RAD18: variants seen among roughly 807,000 people sequenced by gnomAD.
RAD18 encodes the protein RAD18 E3 ubiquitin protein ligase, also known as E3 ubiquitin-protein ligase RAD18.
A neutral mutation model predicts 60.4 loss-of-function variants in RAD18; 47 were observed. That is an observed-to-expected ratio of 0.78 (90% CI 0.62 to 0.99). The LOEUF (loss-of-function observed/expected upper bound fraction) is 0.99. Among genes scored for constraint, RAD18 ranks in the 50% least tolerant of loss-of-function variants. The probability of loss-of-function intolerance (pLI) is 0.00; values close to 1 mark genes in which losing one functional copy is unlikely to be tolerated. For missense variants in RAD18, 640 were observed against 593.3 expected, an observed-to-expected ratio of 1.08 and a Z score of -0.82; for synonymous variants, 225 against 195.5, an observed-to-expected ratio of 1.15 and a Z score of -1.26.
intron 1 of RAD18, 126 bp from the exon 2 acceptor site, chr3:8,959,127 C>T: frequency 4.1e-6 from 3 of 737,164 alleles, no homozygotes; most frequent in African/African-American, 1.8e-5. Flanking sequence ...AATTCAAAAG[C>T]TAACTCCAGA....
chr3:8,916,883 AG>A (rs1434693126), intron 7 of RAD18, among the ~76,000 whole-genome samples: 1 of 152,152 alleles, frequency 6.6e-6, no homozygotes, highest in African/African-American at 2.4e-5. Context: ...TACACATAAT[AG>A]AAATCACAGA....
intron 2 of RAD18, among the ~76,000 whole-genome samples, chr3:8,955,615 T>A (rs1940995957): frequency 1.3e-5 from 2 of 152,304 alleles, no homozygotes; most frequent in South Asian, 4.1e-4. Flanking sequence ...ATACTTTAGA[T>A]GCTTGAGGGC....
chr3:8,883,697 C>T (rs886402517), intron 12 of RAD18, among the ~76,000 whole-genome samples: 13 of 152,042 alleles, frequency 8.6e-5, no homozygotes, highest in African/African-American at 1.2e-4. Flanking sequence ...TAAGCATGCA[C>T]GGAAGCTCTA....
At chr3:8,939,359 A>G (rs1940704628) in intron 6 of RAD18, among the ~76,000 whole-genome samples, 195 bp downstream of exon 6, 1 of 152,224 alleles carries the variant, frequency 6.6e-6, no homozygotes. Flanking sequence ...ATAGCTAATC[A>G]TATTTGGCAA....
rs1294842891 is a variant in RAD18, at chr3:8,929,604, C to CTT, written c.889+6266_889+6267insAA. Reference sequence around the variant, plus strand: ...CCACACCCACTAGGAAAAAGACAGACTAACAGGTGTTGGCAAGGACATGGA... The same window carrying CTT: ...CCACACCCACTAGGAAAAAGACAGACTTTAACAGGTGTTGGCAAGGACATGGA... On this transcript the variant is annotated intron_variant, in intron 7 of 12. Transcript: ENST00000264926. Among the ~76,000 whole-genome samples, 5 of 151,684 alleles carry CTT rather than the reference C, an allele frequency of 3.3e-5. No homozygotes were observed. The East Asian group carries it at 9.7e-4, about 29-fold the overall frequency.
intron 11 of RAD18, among the ~76,000 whole-genome samples, chr3:8,898,317 G>GT (rs1399919091): frequency 2.0e-5 from 3 of 151,716 alleles, no homozygotes; most frequent in African/African-American, 7.3e-5. Context: ...CTATAGAAAC[G>GT]TAACATTTAT....
chr3:8,921,596 C>A (rs1211598138), intron 7 of RAD18, among the ~76,000 whole-genome samples: 1 of 151,808 alleles, frequency 6.6e-6, no homozygotes, highest in Non-Finnish European at 1.5e-5. Flanking sequence ...ACTATCATTG[C>A]GCCACTGCAC....
intron 9 of RAD18, among the ~76,000 whole-genome samples, chr3:8,910,149 G>T (rs1172482947): frequency 6.6e-6 from 1 of 152,204 alleles, no homozygotes. Context: ...GACAACAGAG[G>T]CTAGGGGTGG....
chr3:8,953,689 G>A (rs1940961850), intron 2 of RAD18, among the ~76,000 whole-genome samples: 1 of 152,150 alleles, frequency 6.6e-6, no homozygotes, highest in South Asian at 2.1e-4. Flanking sequence ...GAATTAAAGA[G>A]TAGTTTCACA....
intron 1 of RAD18, among the ~76,000 whole-genome samples, chr3:8,963,071 T>A (rs941881300): frequency 6.6e-6 from 1 of 152,060 alleles, no homozygotes; most frequent in African/African-American, 2.4e-5. Flanking sequence ...TTTCTCCATG[T>A]TATTGTTGGG....
chr3:8,882,378 G>T (rs1482285121), intron 12 of RAD18, among the ~76,000 whole-genome samples: 2 of 152,186 alleles, frequency 1.3e-5, no homozygotes, highest in Admixed American at 6.5e-5. Flanking sequence ...TACCTTACAG[G>T]AGGGGCAGTA....
At chr3:8,957,144 GT>G (rs1413713109) in intron 2 of RAD18, among the ~76,000 whole-genome samples, 5 of 152,132 alleles carry the variant, frequency 3.3e-5, no homozygotes, top group African/African-American at 1.2e-4. Context: ...TTTGTGCAAG[GT>G]CTGTGCAATG....
At chr3:8,948,650 G>C in intron 2 of RAD18, 80 bp from the exon 3 acceptor site, 2 of 1,224,032 alleles carry the variant, frequency 1.6e-6, no homozygotes, top group Non-Finnish European at 2.4e-6. Flanking sequence ...AAAATCTTAA[G>C]CCCTAGACTA....
chr3:8,962,718 A>C (rs1941110907), intron 1 of RAD18, among the ~76,000 whole-genome samples: 1 of 152,198 alleles, frequency 6.6e-6, no homozygotes. Flanking sequence ...ACAAAAATAA[A>C]TGTTATTTAA....
At chr3:8,947,375 T>TC (rs1208986558) in intron 3 of RAD18, 85 bp from the exon 4 acceptor site, 13 of 1,114,022 alleles carry the variant, frequency 1.2e-5, no homozygotes, top group Non-Finnish European at 1.6e-5. Flanking sequence ...GTCTGACCCA[T>TC]CCTCCTGAGG....
At chr3:8,889,682 A>G (rs925444589) in intron 12 of RAD18, among the ~76,000 whole-genome samples, 6 of 152,194 alleles carry the variant, frequency 3.9e-5, no homozygotes, top group African/African-American at 1.2e-4. Flanking sequence ...TATATGATGA[A>G]GCAGAGAGAA....
intron 7 of RAD18, among the ~76,000 whole-genome samples, chr3:8,932,129 T>TA (rs1355156577): frequency 3.9e-5 from 6 of 152,026 alleles, no homozygotes; most frequent in Non-Finnish European, 8.8e-5. Context: ...ATTGTATACA[T>TA]AAAAAATCAT....
rs1940675823 is a variant in RAD18 at position 8,937,650 on chromosome 3, T to C, written c.705-1595A>G. 2.0e-5 allele frequency among the ~76,000 whole-genome samples: 3 copies of C among 152,308 alleles called. No homozygotes were observed. In the South Asian group the frequency reaches 6.2e-4, roughly 32 times the overall value. On this transcript the variant is annotated intron_variant, in intron 6 of 12. Coordinates refer to ENST00000264926, the MANE Select transcript of RAD18 (RefSeq NM_020165.4). The stretch of plus-strand genomic sequence containing the variant: ...TAAAGAAGAACATGGCCCAGTGTTG[T>C]CTTCAGAATCTCCACAAACACCAGT...
intron 11 of RAD18, among the ~76,000 whole-genome samples, chr3:8,891,033 G>C (rs1939677100): frequency 6.6e-6 from 1 of 150,644 alleles, no homozygotes; most frequent in African/African-American, 2.5e-5. Flanking sequence ...TTCATGTGTT[G>C]AGATACACAT....
Sources: gnomAD v4.1 joint callset for allele counts (sites outside exome capture counted in the v4.1 genomes callset) on GRCh38, gnomAD v4.1.1 for gene constraint, MANE v1.5 for transcripts, NCBI Gene and HGNC (gene_info 2026-07-23, HGNC 2026-07-21) for gene names.